Variants in SCML4 observed in about 807,000 individuals in gnomAD.
SCML4 encodes Scm polycomb group protein like 4, also known as sex comb on midleg-like protein 4.
In SCML4, 34 loss-of-function variants were observed where a neutral mutation model predicts 41.1. The ratio of observed to expected loss-of-function variants is 0.83; its 90% CI spans 0.63 to 1.10. The LOEUF (loss-of-function observed/expected upper bound fraction) is 1.10, where lower values mean the gene tolerates loss of function less well. Among genes scored for constraint, SCML4 ranks in the 50% least tolerant of loss-of-function variants. The probability of loss-of-function intolerance (pLI) is 0.00; values close to 1 mark genes in which losing one functional copy is unlikely to be tolerated. For missense variants in SCML4, 522 were observed against 534.1 expected, an observed-to-expected ratio of 0.98 and a Z score of 0.22; for synonymous variants, 214 against 220.9, an observed-to-expected ratio of 0.97 and a Z score of 0.28.
the SCML4 span, among the ~76,000 whole-genome samples, chr6:107,840,399 CT>C: frequency 2.0e-5 from 3 of 152,206 alleles, no homozygotes; most frequent in Non-Finnish European, 4.4e-5. Flanking sequence ...ACTTTTTGAG[CT>C]ATCAAACATA....
At chr6:107,796,977 T>C (rs1782760142) in intron 1 of SCML4, among the ~76,000 whole-genome samples, 1 of 152,148 alleles carries the variant, frequency 6.6e-6, no homozygotes, top group Non-Finnish European at 1.5e-5. Context: ...TCAAAATAAA[T>C]GAACCTCATG....
intron 2 of SCML4, among the ~76,000 whole-genome samples, chr6:107,751,780 T>G (rs1290519350): frequency 6.6e-6 from 1 of 151,796 alleles, no homozygotes. Context: ...GGATTACAGG[T>G]GCCCGCCACC....
In SCML4 at chr6:107,720,992, G is replaced by T; in HGVS notation, c.684C>A (p.Val228=). 1 of 1,605,766 alleles carries T rather than the reference G, an allele frequency of 6.2e-7. No individual in the cohort carries two copies. Among genetic ancestry groups the T allele is most frequent in the South Asian group, 1.1e-5 (1 of 89,772 alleles). ...QEKEEGRMES[V]KTVTTEEYLV... ...GGTACTCTTCGGTGGTGACTGTCTT[G>T]ACTAAGCAATAAGGCAGTACAGAGA... Residue 228 remains valine, a splice_region_variant and synonymous_variant, in exon 6 of 8, where the codon GTC becomes GTA. Coordinates refer to ENST00000369020, the MANE Select transcript of SCML4 (RefSeq NM_198081.5).
chr6:107,749,333 CT>C (rs1299803155), intron 3 of SCML4, among the ~76,000 whole-genome samples: 1 of 152,026 alleles, frequency 6.6e-6, no homozygotes, highest in Non-Finnish European at 1.5e-5. Flanking sequence ...AACAAGAGCA[CT>C]GTTTAAGGTG....
At chr6:107,809,650 T>C (rs1256817562) in intron 1 of SCML4, among the ~76,000 whole-genome samples, 2 of 152,100 alleles carry the variant, frequency 1.3e-5, no homozygotes, top group African/African-American at 4.8e-5. Context: ...ATACCTTCAA[T>C]GAAGACAGAA....
At chr6:107,769,070 G>A (rs1248874247) in intron 2 of SCML4, among the ~76,000 whole-genome samples, 1 of 152,234 alleles carries the variant, frequency 6.6e-6, no homozygotes, top group African/African-American at 2.4e-5. Flanking sequence ...TTCAAATGGA[G>A]AGGTAAATGC....
chr6:107,776,445 A>T (rs1780955099), intron 1 of SCML4, among the ~76,000 whole-genome samples: 1 of 152,130 alleles, frequency 6.6e-6, no homozygotes, highest in Non-Finnish European at 1.5e-5. Flanking sequence ...AGCAGGAAAG[A>T]AGGAAGGAAG....
In SCML4 at chr6:107,768,133, C is replaced by G. The variant is rs561348965; in HGVS notation, c.156+4039G>C. 6.6e-5 allele frequency among the ~76,000 whole-genome samples: 10 copies of G among 151,564 alleles called. No individual in the cohort carries two copies. The East Asian group carries it at 1.7e-3, about 26-fold the overall frequency. ...AAAAAAAAGTAAAAAAGTAGCCAGG[C>G]ATGGTGACGTGCATCTGTATTCCCC... On this transcript the variant is annotated intron_variant, in intron 2 of 7. Coordinates refer to ENST00000369020, the MANE Select transcript of SCML4 (RefSeq NM_198081.5).
At chr6:107,806,778 T>A (rs1398252431) in intron 1 of SCML4, among the ~76,000 whole-genome samples, 1 of 152,218 alleles carries the variant, frequency 6.6e-6, no homozygotes, top group Admixed American at 6.5e-5. Context: ...TTAGTGTGGA[T>A]GGACATGGCC....
At chr6:107,836,596 G>A in the SCML4 span, among the ~76,000 whole-genome samples, 56 of 152,302 alleles carry the variant, frequency 3.7e-4, no homozygotes, top group South Asian at 7.7e-3. Flanking sequence ...TCACCGCCTG[G>A]TTCAGTGATG....
At chr6:107,840,952 A>G in the SCML4 span, among the ~76,000 whole-genome samples, 1 of 152,174 alleles carries the variant, frequency 6.6e-6, no homozygotes, top group East Asian at 1.9e-4. Flanking sequence ...CTCCTAGAAT[A>G]TATAATAGTA....
rs111689295 is a variant in SCML4, at chr6:107,767,882, T to C, written c.156+4290A>G. On this transcript the variant is annotated intron_variant, in intron 2 of 7. Transcript: ENST00000369020. Reference sequence around the variant, plus strand: ...ACAGGCGTGCCCTCTGCTAGCTCTGTGTTCCCATTCTGTTGTCTAAAACAG... The same window carrying C: ...ACAGGCGTGCCCTCTGCTAGCTCTGCGTTCCCATTCTGTTGTCTAAAACAG... 1.3e-3 allele frequency among the ~76,000 whole-genome samples: 197 copies of C among 152,272 alleles called. 1 individual carries two copies. The highest frequency in any genetic ancestry group is 2.6e-3 in the Non-Finnish European group (178 of 68,006).
intron 5 of SCML4, among the ~76,000 whole-genome samples, chr6:107,731,455 A>G (rs978869920): frequency 4.6e-5 from 7 of 152,200 alleles, no homozygotes; most frequent in African/African-American, 1.7e-4. Flanking sequence ...ATCTCTAAAC[A>G]GTTCTGCCTG....
chr6:107,813,407 TATATATATATATATATAAAA>T (rs1562284639), intron 1 of SCML4, among the ~76,000 whole-genome samples: 1 of 40,424 alleles, frequency 2.5e-5, no homozygotes, highest in Non-Finnish European at 4.9e-5. Flanking sequence ...TATATATATA[TATATATATATATATATAAAA>T]CTGTAAAATT....
chr6:107,794,499 T>C (rs1782567164), intron 1 of SCML4, among the ~76,000 whole-genome samples: 1 of 152,180 alleles, frequency 6.6e-6, no homozygotes, highest in African/African-American at 2.4e-5. Context: ...GTACAGTTAT[T>C]TCACTTGTAT....
At chr6:107,708,558 G>C (rs2463451) in intron 6 of SCML4, among the ~76,000 whole-genome samples, 105,070 of 151,784 alleles carry the variant, frequency 0.69, 36,805 homozygotes, top group Admixed American at 0.79. Context: ...GAATGCAAGT[G>C]TGCCTCAGCA....
At chr6:107,713,754 G>A (rs1011987966) in intron 6 of SCML4, among the ~76,000 whole-genome samples, 6 of 152,132 alleles carry the variant, frequency 3.9e-5, no homozygotes, top group African/African-American at 1.4e-4. Flanking sequence ...ACCTGGAACT[G>A]GGTTGGGAGG....
chr6:107,738,531 G>T (rs1777291358), intron 5 of SCML4, among the ~76,000 whole-genome samples: 1 of 152,104 alleles, frequency 6.6e-6, no homozygotes, highest in Admixed American at 6.5e-5. Context: ...TGAGGCTGGA[G>T]AATTGCTCGA....
chr6:107,705,824 A>G (rs1447186387), intron 7 of SCML4, among the ~76,000 whole-genome samples: 1 of 152,140 alleles, frequency 6.6e-6, no homozygotes, highest in Non-Finnish European at 1.5e-5. Context: ...AGCCCTGTCT[A>G]TTCCACTAGA....
Sources: gnomAD v4.1 joint callset for allele counts (sites outside exome capture counted in the v4.1 genomes callset) on GRCh38, gnomAD v4.1.1 for gene constraint, MANE v1.5 for transcripts, NCBI Gene and HGNC (gene_info 2026-07-23, HGNC 2026-07-21) for gene names.